PPFIA1: variants seen among roughly 807,000 people sequenced by gnomAD.
PPFIA1 encodes liprin-alpha-1.
In PPFIA1, 25 loss-of-function variants were observed where a neutral mutation model predicts 149.9. That is an observed-to-expected ratio of 0.17 (90% confidence interval 0.12 to 0.23). The LOEUF (loss-of-function observed/expected upper bound fraction) is 0.23. Among genes scored for constraint, PPFIA1 ranks in the 10% least tolerant of loss-of-function variants. The probability of loss-of-function intolerance (pLI) is 1.00; values close to 1 mark genes in which losing one functional copy is unlikely to be tolerated. For missense variants in PPFIA1, 1,362 were observed against 1,506.5 expected (o/e 0.90, Z 1.59); for synonymous variants, 549 against 552.8 (o/e 0.99, Z 0.10).
intron 7 of PPFIA1, among the ~76,000 whole-genome samples, chr11:70,328,272 C>G (rs1482515238): frequency 6.6e-6 from 1 of 152,034 alleles, no homozygotes; most frequent in East Asian, 1.9e-4. Flanking sequence ...GTGTTGTTCC[C>G]CTCTGTCTGT....
At chr11:70,322,497 C>T (rs938565857) in intron 2 of PPFIA1, among the ~76,000 whole-genome samples, 1 of 152,194 alleles carries the variant, frequency 6.6e-6, no homozygotes, top group African/African-American at 2.4e-5. Context: ...CAGGAGCCCG[C>T]TTCTGAATGC....
chr11:70,365,770 A>G (rs535567079), intron 21 of PPFIA1: 60 of 370,810 alleles, frequency 1.6e-4, no homozygotes, highest in Admixed American at 9.8e-4. Flanking sequence ...TGCTCCTTGC[A>G]TGAGAAGTTG....
intron 16 of PPFIA1, chr11:70,351,094 C>T (rs2056029841): frequency 1.2e-6 from 1 of 861,758 alleles, no homozygotes; most frequent in Non-Finnish European, 1.5e-6. Flanking sequence ...TCATATTTTC[C>T]ATAAATGTAG....
intron 2 of PPFIA1, among the ~76,000 whole-genome samples, chr11:70,273,256 CA>C (rs112897172): frequency 7.3e-4 from 103 of 142,052 alleles, no homozygotes; most frequent in East Asian, 1.2e-3. Flanking sequence ...CAGCCTGTCT[CA>C]AAAAAAAAAA....
At chr11:70,379,795 C>G (rs536488849) in intron 26 of PPFIA1, among the ~76,000 whole-genome samples, 121 of 152,084 alleles carry the variant, frequency 8.0e-4, no homozygotes, top group Non-Finnish European at 1.6e-3. Flanking sequence ...GAATAGCTTA[C>G]TTTGTGGCAT....
chr11:70,358,971 T>C (rs996408601), intron 19 of PPFIA1, among the ~76,000 whole-genome samples: 1 of 152,234 alleles, frequency 6.6e-6, no homozygotes, highest in Non-Finnish European at 1.5e-5. Context: ...CATGTTCTCC[T>C]TTTTGTCTTC....
intron 9 of PPFIA1, among the ~76,000 whole-genome samples, chr11:70,332,821 T>G (rs919489221): frequency 6.6e-6 from 1 of 152,208 alleles, no homozygotes. Context: ...GTCCTGAGTC[T>G]TCTTGCTCAA....
intron 15 of PPFIA1, chr11:70,346,073 T>C (rs1231854849): frequency 1.3e-5 from 5 of 383,002 alleles, no homozygotes; most frequent in East Asian, 7.6e-5. Flanking sequence ...TTAGCAGTTA[T>C]AATGCAGAAC....
chr11:70,330,013 C>T (rs2054558406), intron 7 of PPFIA1, 160 bp from the exon 8 acceptor site: 1 of 587,898 alleles, frequency 1.7e-6, no homozygotes, highest in Non-Finnish European at 2.9e-6. Context: ...TCCCAAAGTG[C>T]TGTGATTATA....
intron 2 of PPFIA1, among the ~76,000 whole-genome samples, chr11:70,312,401 G>T (rs2053342036): frequency 2.6e-5 from 4 of 152,042 alleles, no homozygotes; most frequent in Admixed American, 1.3e-4. Context: ...ATGTTGCTTG[G>T]GTTGGTCTCA....
At chr11:70,309,853 G>A (rs1452094185) in intron 2 of PPFIA1, among the ~76,000 whole-genome samples, 3 of 152,140 alleles carry the variant, frequency 2.0e-5, no homozygotes, top group African/African-American at 7.2e-5. Context: ...AGAGGGGAGG[G>A]AGGGTCGGTG....
chr11:70,356,154 CT>C lies in PPFIA1; in HGVS notation c.2489-6del. ...TTTTACTTCTGGGCTGTTCTGCTTC[CT>C]CACAGCTGGTGTTTCCGAGACGGAT... On this transcript the variant is annotated splice_polypyrimidine_tract_variant and splice_region_variant and intron_variant, in intron 18 of 27. Coordinates refer to ENST00000253925, the MANE Select transcript of PPFIA1 (RefSeq NM_003626.5). 6.2e-7 allele frequency: 1 copy of C among 1,612,178 alleles called. No homozygotes were observed. The highest frequency in any genetic ancestry group is 8.5e-7 in the Non-Finnish European group (1 of 1,178,308).
intron 1 of PPFIA1, 83 bp from the exon 2 acceptor site, chr11:70,272,090 G>T (rs979601941): frequency 7.0e-7 from 1 of 1,426,036 alleles, no homozygotes; most frequent in Non-Finnish European, 9.6e-7. Flanking sequence ...CATCTTTTTA[G>T]CTACAGATAC....
intron 19 of PPFIA1, among the ~76,000 whole-genome samples, chr11:70,359,772 A>G (rs2056541672): frequency 6.6e-6 from 1 of 152,230 alleles, no homozygotes; most frequent in Non-Finnish European, 1.5e-5. Context: ...ACCTTTTTGC[A>G]TTATAGCATT....
intron 21 of PPFIA1, chr11:70,367,429 A>G: frequency 2.3e-6 from 1 of 440,946 alleles, no homozygotes. Context: ...TGGAGCATCT[A>G]TGAGCAGGAC....
At chr11:70,279,265 T>C in intron 2 of PPFIA1, 1 of 278,820 alleles carries the variant, frequency 3.6e-6, no homozygotes, top group Non-Finnish European at 6.9e-6. Flanking sequence ...TGTTGGCCTT[T>C]CTGGAGTCCT....
At chr11:70,382,179 C>G (rs1565475019) in intron 27 of PPFIA1, 21 bp downstream of exon 27, 3 of 1,595,258 alleles carry the variant, frequency 1.9e-6, no homozygotes, top group Non-Finnish European at 2.6e-6. Context: ...AGCACCACAA[C>G]CCCTAGAGAT....
intron 15 of PPFIA1, among the ~76,000 whole-genome samples, chr11:70,346,493 C>G (rs777166725): frequency 6.6e-6 from 1 of 151,936 alleles, no homozygotes; most frequent in Non-Finnish European, 1.5e-5. Flanking sequence ...TGGTGTGCTG[C>G]CTGTGTTTTT....
intron 21 of PPFIA1, 63 bp downstream of exon 21, chr11:70,362,551 T>C (rs1168708848): frequency 6.8e-7 from 1 of 1,480,220 alleles, no homozygotes; most frequent in Non-Finnish European, 9.1e-7. Flanking sequence ...AAGGTATCAC[T>C]GCCCTGTTTA....
Sources: gnomAD v4.1 joint callset for allele counts (sites outside exome capture counted in the v4.1 genomes callset) on GRCh38, gnomAD v4.1.1 for gene constraint, MANE v1.5 for transcripts, NCBI Gene and HGNC (gene_info 2026-07-23, HGNC 2026-07-21) for gene names.